The following QTMAN variants were observed in gnomAD, a reference collection of about 807,000 sequenced individuals.
QTMAN encodes queuosine-tRNA mannosyltransferase, also known as tRNA-queuosine alpha-mannosyltransferase.
At chr2:144,236,761 A>G in the QTMAN span, among the ~76,000 whole-genome samples, 24 of 152,140 alleles carry the variant, frequency 1.6e-4, no homozygotes, top group Non-Finnish European at 2.6e-4. Flanking sequence ...TTAAATAGTA[A>G]TCCCAGAGTC....
At chr2:144,157,338 A>G in the QTMAN span, among the ~76,000 whole-genome samples, 2 of 152,032 alleles carry the variant, frequency 1.3e-5, no homozygotes, top group East Asian at 3.9e-4. Context: ...ACATATCTGA[A>G]GATCACATGT....
the QTMAN span, among the ~76,000 whole-genome samples, chr2:143,958,385 A>C: frequency 6.6e-6 from 1 of 152,148 alleles, no homozygotes; most frequent in African/African-American, 2.4e-5. Flanking sequence ...AGAAATTGTA[A>C]AATACAAAGT....
At chr2:144,030,604 G>T in the QTMAN span, among the ~76,000 whole-genome samples, 1 of 152,086 alleles carries the variant, frequency 6.6e-6, no homozygotes, top group Non-Finnish European at 1.5e-5. Context: ...CTTAAGGCTG[G>T]TTCTCTAACC....
chr2:143,969,499 C>G, the QTMAN span, among the ~76,000 whole-genome samples: 1 of 152,136 alleles, frequency 6.6e-6, no homozygotes, highest in African/African-American at 2.4e-5. Flanking sequence ...GATACAGTAC[C>G]TGTCCTCATA....
chr2:144,166,413 A>C, the QTMAN span, among the ~76,000 whole-genome samples: 1 of 152,218 alleles, frequency 6.6e-6, no homozygotes, highest in African/African-American at 2.4e-5. Flanking sequence ...TAGTATACAT[A>C]AACACTTATT....
the QTMAN span, among the ~76,000 whole-genome samples, chr2:144,285,037 C>T: frequency 6.7e-6 from 1 of 149,206 alleles, no homozygotes; most frequent in Non-Finnish European, 1.5e-5. Context: ...CCCAAGAGGT[C>T]AAGGCTGCAG....
chr2:144,118,642 G>A, the QTMAN span, among the ~76,000 whole-genome samples: 1 of 152,146 alleles, frequency 6.6e-6, no homozygotes, highest in Non-Finnish European at 1.5e-5. Context: ...CCAGCACTTT[G>A]GGAGGCCGAG....
chr2:144,183,068 A>G, the QTMAN span, among the ~76,000 whole-genome samples: 2 of 149,634 alleles, frequency 1.3e-5, no homozygotes, highest in African/African-American at 4.9e-5. Context: ...CCTAAGAAAA[A>G]TTAGTCCCTC....
chr2:144,001,469 T>C, the QTMAN span, among the ~76,000 whole-genome samples: 1 of 151,920 alleles, frequency 6.6e-6, no homozygotes, highest in Non-Finnish European at 1.5e-5. Flanking sequence ...TTATGGAAAA[T>C]GCTGCAAATA....
the QTMAN span, among the ~76,000 whole-genome samples, chr2:144,252,402 T>C: frequency 5.8e-4 from 88 of 151,578 alleles, no homozygotes; most frequent in Middle Eastern, 3.4e-3. Context: ...TAAAATAAAA[T>C]AAAAAGTAAG....
At chr2:144,055,679 C>T in the QTMAN span, among the ~76,000 whole-genome samples, 1 of 152,108 alleles carries the variant, frequency 6.6e-6, no homozygotes, top group African/African-American at 2.4e-5. Flanking sequence ...CTGAGTGCAG[C>T]TAGAAGGGCA....
At chr2:144,025,934 G>A in the QTMAN span, among the ~76,000 whole-genome samples, 4 of 152,206 alleles carry the variant, frequency 2.6e-5, no homozygotes, top group Non-Finnish European at 5.9e-5. Flanking sequence ...TGAGGGAGTC[G>A]TTTTAGTTTC....
At chr2:144,247,878 A>T in the QTMAN span, among the ~76,000 whole-genome samples, 130 of 152,134 alleles carry the variant, frequency 8.5e-4, no homozygotes, top group African/African-American at 3.0e-3. Flanking sequence ...CTTGGTAGAG[A>T]TGGGGTTTCA....
the QTMAN span, among the ~76,000 whole-genome samples, chr2:144,138,205 A>C: frequency 1.3e-5 from 2 of 152,186 alleles, no homozygotes; most frequent in African/African-American, 4.8e-5. Context: ...GGTGTGTCAA[A>C]TGCTGCTGCT....
At chr2:144,033,461 G>C in the QTMAN span, among the ~76,000 whole-genome samples, 6 of 152,218 alleles carry the variant, frequency 3.9e-5, no homozygotes, top group African/African-American at 1.2e-4. Context: ...CAGGGAAAGG[G>C]GCATGGAGCA....
chr2:144,236,684 C>T, the QTMAN span, among the ~76,000 whole-genome samples: 1 of 152,016 alleles, frequency 6.6e-6, no homozygotes, highest in African/African-American at 2.4e-5. Flanking sequence ...GGAAATGTGG[C>T]TCCCAAACAG....
chr2:144,308,419 C>T, the QTMAN span, among the ~76,000 whole-genome samples: 1 of 152,072 alleles, frequency 6.6e-6, no homozygotes, highest in African/African-American at 2.4e-5. Flanking sequence ...CCCACCTCAG[C>T]CTCCCAAAGT....
chr2:144,082,046 C>A, the QTMAN span, among the ~76,000 whole-genome samples: 3 of 152,086 alleles, frequency 2.0e-5, no homozygotes, highest in Non-Finnish European at 4.4e-5. Flanking sequence ...CATCACCACA[C>A]CTCGCTAATT....
chr2:144,104,754 G>C, the QTMAN span, among the ~76,000 whole-genome samples: 32 of 152,346 alleles, frequency 2.1e-4, no homozygotes, highest in African/African-American at 7.2e-4. Context: ...GCTTTGAAGA[G>C]AGTAGTGGTT....
Sources: gnomAD v4.1 joint callset for allele counts (sites outside exome capture counted in the v4.1 genomes callset) on GRCh38, gnomAD v4.1.1 for gene constraint, MANE v1.5 for transcripts, NCBI Gene and HGNC (gene_info 2026-07-23, HGNC 2026-07-21) for gene names.